The following CSMD3 variants were observed in gnomAD, a reference collection of about 807,000 sequenced individuals.
CSMD3 encodes the protein CUB and Sushi multiple domains 3, also known as CUB and sushi domain-containing protein 3.
Under a neutral mutation model 435.2 loss-of-function variants are expected in CSMD3, and 177 were observed. That is an observed-to-expected ratio of 0.41 (90% CI 0.36 to 0.46). The LOEUF (loss-of-function observed/expected upper bound fraction) is 0.46, where lower values mean the gene tolerates loss of function less well. Among genes scored for constraint, CSMD3 ranks in the 20% least tolerant of loss-of-function variants. The pLI, the probability that CSMD3 is intolerant of heterozygous loss-of-function variation, is 0.34. For missense variants in CSMD3, 4,265 were observed against 4,504.6 expected, an observed-to-expected ratio of 0.95 and a Z score of 1.52; for synonymous variants, 1,656 against 1,520.5, an observed-to-expected ratio of 1.09 and a Z score of -2.07.
chr8:112,493,713 G>A (rs1820931416), intron 30 of CSMD3, among the ~76,000 whole-genome samples: 1 of 152,116 alleles, frequency 6.6e-6, no homozygotes, highest in Non-Finnish European at 1.5e-5. Flanking sequence ...AGAATAATTT[G>A]AAAATATGTA....
At chr8:113,173,548 CTGACCTCAAG>C (rs2131888318) in intron 4 of CSMD3, among the ~76,000 whole-genome samples, 164 bp downstream of exon 4, 1 of 152,204 alleles carries the variant, frequency 6.6e-6, no homozygotes, top group Non-Finnish European at 1.5e-5. Flanking sequence ...TCTCAAACTC[CTGACCTCAAG>C]TGATCCACTC....
intron 10 of CSMD3, among the ~76,000 whole-genome samples, chr8:112,892,262 C>G (rs1485775554): frequency 6.6e-6 from 1 of 151,348 alleles, no homozygotes; most frequent in Admixed American, 6.6e-5. Flanking sequence ...ACAATTAACA[C>G]ATATAAAAAA....
chr8:112,657,342 C>T (rs537362210), intron 17 of CSMD3, among the ~76,000 whole-genome samples: 2 of 152,018 alleles, frequency 1.3e-5, no homozygotes, highest in Non-Finnish European at 2.9e-5. Flanking sequence ...GGATTACAGG[C>T]GTGAGCCACT....
intron 10 of CSMD3, among the ~76,000 whole-genome samples, chr8:112,897,680 CTCTCTCTCTCTCTCTGTGTGTGTG>C (rs2081986744): frequency 6.8e-5 from 6 of 88,740 alleles, no homozygotes; most frequent in African/African-American, 2.3e-4. Flanking sequence ...CTCTCTCTCT[CTCTCTCTCTCTCTCTGTGTGTGTG>C]TGTGTGTGTG....
intron 4 of CSMD3, among the ~76,000 whole-genome samples, chr8:113,121,166 T>G (rs532080105): frequency 1.3e-5 from 2 of 152,186 alleles, no homozygotes; most frequent in African/African-American, 4.8e-5. Flanking sequence ...TAAAGAAGCA[T>G]GCAGGTCAGC....
intron 11 of CSMD3, among the ~76,000 whole-genome samples, chr8:112,847,927 C>A (rs949282696): frequency 2.6e-5 from 4 of 152,006 alleles, no homozygotes; most frequent in African/African-American, 9.7e-5. Flanking sequence ...ATTGAATGTA[C>A]AAAGGTAATA....
In CSMD3 at chr8:112,306,136, A is replaced by G. The variant is rs781058759; in HGVS notation, c.7942T>C (p.Tyr2648His). ...PTNGGILTTD[Y>H]LVGTRVTYFC... ...TAGGTAACTCGCGTTCCTACCAAAT[A>G]GTCTGTTGTTAGTATTCCTCCATTT... The change falls in exon 51 of 71, where the codon TAT (tyrosine) becomes CAT (histidine). Residue 2648 changes from tyrosine to histidine, a missense_variant. Transcript: ENST00000297405. 6.2e-7 allele frequency: 1 copy of G among 1,613,518 alleles called. No homozygotes were observed. The highest frequency in any genetic ancestry group is 8.5e-7 in the Non-Finnish European group (1 of 1,179,568).
At chr8:112,811,029 T>G (rs2079211218) in intron 12 of CSMD3, among the ~76,000 whole-genome samples, 2 of 152,020 alleles carry the variant, frequency 1.3e-5, no homozygotes, top group Admixed American at 6.6e-5. Flanking sequence ...TTGGTTCACT[T>G]AAATATTTAA....
intron 1 of CSMD3, among the ~76,000 whole-genome samples, chr8:113,359,385 T>C (rs1432591759): frequency 1.3e-5 from 2 of 152,170 alleles, no homozygotes; most frequent in African/African-American, 4.8e-5. Context: ...TTTAATTGTG[T>C]AGTAAAAGAA....
chr8:113,421,026 A>G (rs1205295774), intron 1 of CSMD3, among the ~76,000 whole-genome samples: 4 of 152,196 alleles, frequency 2.6e-5, no homozygotes, highest in African/African-American at 7.2e-5. Flanking sequence ...AGAAATAAAT[A>G]TAACTGACAT....
chr8:112,880,253 C>A (rs917550995), intron 10 of CSMD3, among the ~76,000 whole-genome samples: 2 of 151,966 alleles, frequency 1.3e-5, no homozygotes. Context: ...TGATCTGTTA[C>A]AATTATTTTT....
At chr8:112,284,903 A>G (rs919640496) in intron 58 of CSMD3, among the ~76,000 whole-genome samples, 1 of 151,930 alleles carries the variant, frequency 6.6e-6, no homozygotes, top group African/African-American at 2.4e-5. Flanking sequence ...CGCACACAAT[A>G]ATTTTATATT....
intron 6 of CSMD3, among the ~76,000 whole-genome samples, chr8:112,994,689 C>T: frequency 6.6e-6 from 1 of 151,476 alleles, no homozygotes; most frequent in Admixed American, 6.6e-5. Context: ...GCTTTTTGTT[C>T]TATACTACAG....
chr8:112,709,497 GA>G (rs2076566300), intron 13 of CSMD3, among the ~76,000 whole-genome samples: 1 of 151,886 alleles, frequency 6.6e-6, no homozygotes, highest in Non-Finnish European at 1.5e-5. Context: ...GGTTTTTAAT[GA>G]AAGGTATTTA....
intron 13 of CSMD3, among the ~76,000 whole-genome samples, chr8:112,730,211 T>C (rs2077046896): frequency 6.6e-6 from 1 of 152,054 alleles, no homozygotes; most frequent in African/African-American, 2.4e-5. Context: ...GTGATAAATA[T>C]TATTTTTAAA....
intron 28 of CSMD3, among the ~76,000 whole-genome samples, chr8:112,509,637 T>C (rs1822890752): frequency 6.6e-6 from 1 of 152,158 alleles, no homozygotes; most frequent in African/African-American, 2.4e-5. Flanking sequence ...AAGCCAGTGT[T>C]TCTGGGGTTT....
rs2131589014 is a variant in CSMD3, at chr8:112,638,765, A to T, written c.3457T>A (p.Phe1153Ile). 1 of 1,612,646 alleles carries T rather than the reference A, an allele frequency of 6.2e-7. No individual in the cohort carries two copies. The highest frequency in any genetic ancestry group is 8.5e-7 in the Non-Finnish European group (1 of 1,178,926). The change falls in exon 21 of 71, where the codon TTC (phenylalanine) becomes ATC (isoleucine). Residue 1153 changes from phenylalanine (F) to isoleucine (I), a missense_variant. Physicochemically the swap from Phe to Ile is conservative, Grantham distance 21. This residue lies in a region of CSMD3 where 3,255 missense variants were observed against 3,380.2 expected (regional missense o/e 0.96). Coordinates refer to ENST00000297405, the MANE Select transcript of CSMD3 (RefSeq NM_198123.2). ...GAAATGAAACGCAATTGAGCCCTGA[A>T]ATTTCCATAGAGACCAGCATTGATT... ...PTINAGLYGN[F>I]RAQLRFISDF...
At chr8:113,007,604 C>T (rs942275655) in intron 6 of CSMD3, among the ~76,000 whole-genome samples, 3 of 151,836 alleles carry the variant, frequency 2.0e-5, no homozygotes, top group Admixed American at 6.6e-5. Flanking sequence ...GTTGTGTAAG[C>T]CACCCAAGTT....
intron 27 of CSMD3, among the ~76,000 whole-genome samples, chr8:112,519,273 A>T (rs941115900): frequency 3.3e-5 from 5 of 152,214 alleles, no homozygotes; most frequent in African/African-American, 9.6e-5. Context: ...GTAAGCAGAA[A>T]TTCCAACAAA....
Sources: allele counts gnomAD v4.1 joint callset (sites outside exome capture counted in the v4.1 genomes callset), GRCh38; gene constraint gnomAD v4.1.1; regional missense constraint gnomAD v4.1.1; transcripts MANE v1.5; gene names NCBI Gene and HGNC (gene_info 2026-07-23, HGNC 2026-07-21).